Variants in ADCY2 observed in about 807,000 individuals in gnomAD.
The protein encoded by ADCY2 is adenylate cyclase 2, also known as adenylate cyclase type 2.
In ADCY2, 31 loss-of-function variants were observed where a neutral mutation model predicts 125.2. The observed-to-expected ratio is 0.25, with a 90% CI of 0.19 to 0.33. ADCY2 has a LOEUF of 0.33. Ranked by LOEUF, ADCY2 falls within the 10% of genes least tolerant of loss-of-function variation. The probability of loss-of-function intolerance (pLI) is 1.00; values close to 1 mark genes in which losing one functional copy is unlikely to be tolerated. For missense variants in ADCY2, 904 were observed against 1,418.2 expected, an observed-to-expected ratio of 0.64 and a Z score of 5.82; for synonymous variants, 512 against 548.4, an observed-to-expected ratio of 0.93 and a Z score of 0.93.
chr5:7,806,688 C>T (rs1278890281), intron 22 of ADCY2, among the ~76,000 whole-genome samples: 1 of 152,168 alleles, frequency 6.6e-6, no homozygotes, highest in Non-Finnish European at 1.5e-5. Context: ...ATCGGAGCTC[C>T]ACCCTTATCA....
chr5:7,784,566 A>T, intron 19 of ADCY2, 117 bp downstream of exon 19: 1 of 695,642 alleles, frequency 1.4e-6, no homozygotes. Context: ...AATTAGAATC[A>T]TCTTATCACT....
intron 4 of ADCY2, among the ~76,000 whole-genome samples, chr5:7,671,003 T>A (rs1390438611): frequency 1.3e-5 from 2 of 152,236 alleles, no homozygotes; most frequent in East Asian, 3.8e-4. Context: ...TGGGTAGTGC[T>A]TTATTTCTTC....
chr5:7,402,097 C>G (rs1394838851), intron 1 of ADCY2, among the ~76,000 whole-genome samples: 1 of 152,218 alleles, frequency 6.6e-6, no homozygotes, highest in African/African-American at 2.4e-5. Flanking sequence ...ATACTGGTGA[C>G]TGCTCTAGGG....
chr5:7,589,253 T>C lies in ADCY2; in HGVS notation c.571-36914T>C, dbSNP rs1006070079. 1.1e-4 allele frequency among the ~76,000 whole-genome samples: 17 copies of C among 151,836 alleles called. No individual in the cohort carries two copies. The South Asian group carries it at 1.9e-3, about 17-fold the overall frequency. The stretch of plus-strand genomic sequence containing the variant: ...TTTTTTAAAGACTTTAGTAAAAGGC[T>C]AGGGAAAACAGATGAAAAACATACA... On this transcript the variant is annotated intron_variant, in intron 3 of 24. Coordinates refer to ENST00000338316, the MANE Select transcript of ADCY2 (RefSeq NM_020546.3).
At chr5:7,787,243 C>G (rs1040849411) in intron 19 of ADCY2, among the ~76,000 whole-genome samples, 18 of 152,174 alleles carry the variant, frequency 1.2e-4, no homozygotes, top group African/African-American at 4.3e-4. Flanking sequence ...CACTGCCCTC[C>G]CTGAGTCACC....
intron 21 of ADCY2, among the ~76,000 whole-genome samples, chr5:7,803,959 C>A (rs1744678648): frequency 6.7e-6 from 1 of 148,214 alleles, no homozygotes; most frequent in Non-Finnish European, 1.5e-5. Context: ...CACACACACA[C>A]ACATGTATAT....
At chr5:7,608,929 T>TC (rs1326808351) in intron 3 of ADCY2, among the ~76,000 whole-genome samples, 1 of 152,116 alleles carries the variant, frequency 6.6e-6, no homozygotes, top group African/African-American at 2.4e-5. Flanking sequence ...GTGCCATTTT[T>TC]CCCCCCAAGA....
At chr5:7,788,010 C>G (rs1162368212) in intron 19 of ADCY2, among the ~76,000 whole-genome samples, 1 of 150,010 alleles carries the variant, frequency 6.7e-6, no homozygotes, top group South Asian at 2.1e-4. Context: ...TTGCATCTAT[C>G]GTTTTAGTTT....
At chr5:7,650,922 C>T (rs1739065399) in intron 4 of ADCY2, among the ~76,000 whole-genome samples, 1 of 152,152 alleles carries the variant, frequency 6.6e-6, no homozygotes, top group Non-Finnish European at 1.5e-5. Context: ...TGCTGATTTA[C>T]TGACAAGACG....
chr5:7,401,487 A>G (rs1739262611), intron 1 of ADCY2, among the ~76,000 whole-genome samples: 1 of 152,210 alleles, frequency 6.6e-6, no homozygotes, highest in Non-Finnish European at 1.5e-5. Flanking sequence ...TCTTACTGAT[A>G]TGAACAGCCT....
rs72712210 is a variant in ADCY2, at chr5:7,743,756, G to A, written c.1956+4G>A. The A allele has an allele frequency of 5.9e-3, 9,596 of 1,613,148 alleles. 37 individuals are homozygous for A. Among genetic ancestry groups the A allele is most frequent in the Non-Finnish European group, 7.4e-3 (8,677 of 1,179,504 alleles). ...CTGCTTTGCTGGACAGCTTCTGGTA[G>A]GTATTCAAATGTGGCGCTTCTTTGA... On this transcript the variant is annotated splice_donor_region_variant and intron_variant, in intron 15 of 24. Transcript: ENST00000338316.
At chr5:7,481,488 C>T (rs1742729125) in intron 2 of ADCY2, among the ~76,000 whole-genome samples, 1 of 151,646 alleles carries the variant, frequency 6.6e-6, no homozygotes, top group Admixed American at 6.6e-5. Flanking sequence ...AGGATGGTCT[C>T]GATCTCTTGA....
chr5:7,410,156 A>T (rs1739653590), intron 1 of ADCY2, among the ~76,000 whole-genome samples: 1 of 152,196 alleles, frequency 6.6e-6, no homozygotes, highest in Non-Finnish European at 1.5e-5. Context: ...GCTGAGGGAC[A>T]TTCGACTTCT....
intron 1 of ADCY2, among the ~76,000 whole-genome samples, chr5:7,403,519 T>G (rs979067932): frequency 4.6e-5 from 7 of 152,216 alleles, no homozygotes; most frequent in African/African-American, 1.7e-4. Flanking sequence ...GCATAATCCT[T>G]ATTAATCTCT....
chr5:7,826,592 A>ATT, intron 24 of ADCY2, 127 bp from the exon 25 acceptor site: 1 of 1,230,088 alleles, frequency 8.1e-7, no homozygotes, highest in East Asian at 2.3e-5. Flanking sequence ...CTTTTCTACT[A>ATT]ACTTCTCAGG....
chr5:7,542,982 A>G (rs1156911150), intron 3 of ADCY2, among the ~76,000 whole-genome samples: 1 of 152,206 alleles, frequency 6.6e-6, no homozygotes, highest in African/African-American at 2.4e-5. Flanking sequence ...TGGCCTGCAT[A>G]CTACTGAAAA....
intron 2 of ADCY2, among the ~76,000 whole-genome samples, chr5:7,512,168 C>T (rs1037084964): frequency 7.8e-6 from 1 of 128,916 alleles, no homozygotes; most frequent in African/African-American, 3.0e-5. Flanking sequence ...TTGCAGTGAA[C>T]GAAGATCACA....
intron 12 of ADCY2, 39 bp downstream of exon 12, chr5:7,717,276 A>G (rs1218428705): frequency 2.0e-6 from 3 of 1,464,430 alleles, no homozygotes; most frequent in African/African-American, 1.4e-5. Flanking sequence ...TTCATCTTTT[A>G]TTATGTTCCA....
chr5:7,634,681 G>A (rs921193625), intron 4 of ADCY2, among the ~76,000 whole-genome samples: 3 of 150,496 alleles, frequency 2.0e-5, no homozygotes, highest in Non-Finnish European at 4.4e-5. Context: ...AAGCCCTCTT[G>A]TCCTATTTAT....
Sources: gnomAD v4.1 joint callset for allele counts (sites outside exome capture counted in the v4.1 genomes callset) on GRCh38, gnomAD v4.1.1 for gene constraint, MANE v1.5 for transcripts, NCBI Gene and HGNC (gene_info 2026-07-23, HGNC 2026-07-21) for gene names.